The following PALS1 variants were observed in gnomAD, a reference collection of about 807,000 sequenced individuals.
PALS1 encodes protein PALS1.
A neutral mutation model predicts 78.9 loss-of-function variants in PALS1; 31 were observed. The observed-to-expected ratio is 0.39, with a 90% CI of 0.30 to 0.53. PALS1 has a LOEUF of 0.53. Among genes scored for constraint, PALS1 ranks in the 20% least tolerant of loss-of-function variants. The pLI, the probability that PALS1 is intolerant of heterozygous loss-of-function variation, is 0.67. For missense variants in PALS1, 704 were observed against 826.5 expected (o/e 0.85, Z 1.82); for synonymous variants, 276 against 270.9 (o/e 1.02, Z -0.18).
chr14:67,250,911 A>C (rs1567499696), intron 1 of PALS1, among the ~76,000 whole-genome samples: 1 of 152,332 alleles, frequency 6.6e-6, no homozygotes, highest in East Asian at 1.9e-4. Flanking sequence ...CCAGAATTGT[A>C]TCCCTCGCTG....
Position 67,312,694 on chromosome 14 carries a change from A to C in PALS1, c.1209A>C (p.Leu403=), listed in dbSNP as rs775453036. 6.2e-7 allele frequency: 1 copy of C among 1,609,186 alleles called. No homozygotes were observed. The highest frequency in any genetic ancestry group is 8.5e-7 in the Non-Finnish European group (1 of 1,177,428). Residue 403 remains leucine, a synonymous_variant, in exon 9 of 15, where the codon CTA becomes CTC. Coordinates refer to ENST00000261681, the MANE Select transcript of PALS1 (RefSeq NM_022474.4). ...AAGGGGACGAAGATAATCAACCTCT[A>C]GCCGGGCTTGTTCCAGGTAAGACAC... ...YREGDEDNQP[L]AGLVPGKSFQ...
intron 1 of PALS1, among the ~76,000 whole-genome samples, chr14:67,267,895 A>G (rs2084353816): frequency 1.3e-5 from 2 of 152,112 alleles, no homozygotes; most frequent in African/African-American, 4.8e-5. Flanking sequence ...ATATGTCAGT[A>G]GTTTGTCCTT....
Position 67,279,549 on chromosome 14 carries a change from T to A in PALS1, c.367+12T>A. The A allele has an allele frequency of 6.6e-7, 1 of 1,517,454 alleles. No homozygotes were observed. The highest frequency in any genetic ancestry group is 8.8e-7 in the Non-Finnish European group (1 of 1,135,922). The allele number at this position is 1,517,454 out of a possible 1,614,324, so 94.0% of individuals were successfully genotyped here. A position where few individuals can be genotyped will look rare whatever the true frequency, so the allele number is the denominator to read the frequency against. ...TGTGAAAATATTAGGTAAGTAAAAA[T>A]AGAGGTATAACAGAAAACATTTTGC... On this transcript the variant is annotated intron_variant, in intron 3 of 14. Coordinates refer to ENST00000261681, the MANE Select transcript of PALS1 (RefSeq NM_022474.4).
rs1285393352 is a variant in PALS1 at position 67,279,006 on chromosome 14, C to T, written c.-153-12C>T. On this transcript the variant is annotated splice_polypyrimidine_tract_variant and intron_variant, in intron 2 of 14. Coordinates refer to ENST00000261681, the MANE Select transcript of PALS1 (RefSeq NM_022474.4). ...ATTCTTACACTTTTTTCCCCCCCAT[C>T]TTTCCCCTTAGATTTCCTTCATGGA... The T allele has an allele frequency of 4.9e-5, 31 of 626,524 alleles. No homozygotes were observed. The highest frequency in any genetic ancestry group is 2.2e-5 in the Non-Finnish European group (9 of 404,704). 38.8% of individuals were successfully genotyped at this position (626,524 alleles called of 1,614,324 possible).
intron 9 of PALS1, 143 bp from the exon 10 acceptor site, chr14:67,316,689 A>T (rs751961076): frequency 7.3e-6 from 4 of 551,302 alleles, no homozygotes; most frequent in Non-Finnish European, 9.4e-6. Context: ...ATCATAGCTG[A>T]CATTACTCCT....
At chr14:67,324,555 TTTGA>T (rs989031619) in intron 14 of PALS1, among the ~76,000 whole-genome samples, 1 of 152,032 alleles carries the variant, frequency 6.6e-6, no homozygotes, top group Admixed American at 6.5e-5. Flanking sequence ...ACTCCTTTCT[TTTGA>T]TTGTTTTTTT....
At chr14:67,325,935 A>G (rs1427154295) in intron 14 of PALS1, among the ~76,000 whole-genome samples, 3 of 147,292 alleles carry the variant, frequency 2.0e-5, no homozygotes, top group Non-Finnish European at 4.5e-5. Context: ...CAGCCTCCCG[A>G]GTAGCTGGGA....
At chr14:67,271,386 TC>T (rs2084404375) in intron 2 of PALS1, 2 of 152,220 alleles carry the variant, frequency 1.3e-5, no homozygotes, top group South Asian at 4.1e-4. Context: ...TCTGAAGCCT[TC>T]TGTTGTTTGG....
intron 4 of PALS1, 58 bp downstream of exon 4, chr14:67,292,777 C>A: frequency 7.4e-7 from 1 of 1,356,482 alleles, no homozygotes; most frequent in Non-Finnish European, 1.0e-6. Flanking sequence ...GGCAGGAAGG[C>A]AGGATTATTG....
At chr14:67,307,125 C>G (rs1391074210) in intron 8 of PALS1, among the ~76,000 whole-genome samples, 2 of 152,156 alleles carry the variant, frequency 1.3e-5, no homozygotes. Context: ...AGTGGCTGCT[C>G]TTTCAGTAGC....
intron 1 of PALS1, among the ~76,000 whole-genome samples, chr14:67,268,787 C>T (rs2084369226): frequency 6.6e-6 from 1 of 152,176 alleles, no homozygotes; most frequent in Admixed American, 6.5e-5. Flanking sequence ...GTGCTGACCT[C>T]CTATCTCATC....
Position 67,279,188 on chromosome 14 carries a change from G to C in PALS1, c.18G>C (p.Met6Ile). 1 of 1,598,506 alleles carries C rather than the reference G, an allele frequency of 6.3e-7. No homozygotes were observed. Among genetic ancestry groups the C allele is most frequent in the South Asian group, 1.1e-5 (1 of 89,100 alleles). Residue 6 changes from methionine to isoleucine, a missense_variant, in exon 3 of 15, where the codon ATG (methionine) becomes ATC (isoleucine). Met to Ile is a conservative substitution (Grantham distance 10). Transcript: ENST00000261681. ...AGATAACCATGACAACATCCCATAT[G>C]AATGGGCATGTTACAGAGGAATCAG... is the stretch of plus-strand genomic sequence containing the variant. MTTSH[M>I]NGHVTEESDS...
At chr14:67,328,984 C>G (rs2085401342) in intron 14 of PALS1, among the ~76,000 whole-genome samples, 1 of 152,042 alleles carries the variant, frequency 6.6e-6, no homozygotes, top group African/African-American at 2.4e-5. Flanking sequence ...TCCATATGAA[C>G]TTTAAAGTAG....
At chr14:67,275,315 A>C (rs936931669) in intron 2 of PALS1, among the ~76,000 whole-genome samples, 1 of 152,172 alleles carries the variant, frequency 6.6e-6, no homozygotes, top group East Asian at 1.9e-4. Context: ...GTTTATTGAG[A>C]GTTTTTAGCA....
intron 14 of PALS1, among the ~76,000 whole-genome samples, chr14:67,326,053 G>A (rs148979583): frequency 0.02 from 2,715 of 136,260 alleles, 38 homozygotes; most frequent in Non-Finnish European, 0.028. Context: ...TCTCGATCTC[G>A]TGACCTCGTG....
intron 1 of PALS1, among the ~76,000 whole-genome samples, chr14:67,269,168 T>C (rs942288678): frequency 2.0e-5 from 3 of 152,252 alleles, no homozygotes; most frequent in Non-Finnish European, 4.4e-5. Flanking sequence ...ATCCTGTTTG[T>C]AGGGTTAATC....
chr14:67,275,124 C>G (rs1312900363), intron 2 of PALS1, among the ~76,000 whole-genome samples: 1 of 152,072 alleles, frequency 6.6e-6, no homozygotes, highest in Non-Finnish European at 1.5e-5. Flanking sequence ...TTTCTCCTGC[C>G]CGATTGCCTT....
chr14:67,245,011 T>A (rs2083967096), intron 1 of PALS1, among the ~76,000 whole-genome samples: 2 of 152,152 alleles, frequency 1.3e-5, no homozygotes, highest in African/African-American at 2.4e-5. Flanking sequence ...GTTGCTGGCT[T>A]TGAAGATGGA....
intron 4 of PALS1, among the ~76,000 whole-genome samples, chr14:67,298,446 C>T (rs568578671): frequency 2.5e-4 from 38 of 150,292 alleles, no homozygotes; most frequent in African/African-American, 7.8e-4. Context: ...ACCCGGGAGG[C>T]GAAGGTTGCA....
Sources: allele counts gnomAD v4.1 joint callset (sites outside exome capture counted in the v4.1 genomes callset), GRCh38; gene constraint gnomAD v4.1.1; transcripts MANE v1.5; gene names NCBI Gene and HGNC (gene_info 2026-07-23, HGNC 2026-07-21).